The following RNGTT variants were observed in gnomAD, a reference collection of about 807,000 sequenced individuals.
The protein encoded by RNGTT is mRNA-capping enzyme.
RNGTT carries 33 observed loss-of-function variants against 79.3 expected under a neutral mutation model. That is an observed-to-expected ratio of 0.42 (90% CI 0.32 to 0.56). RNGTT has a LOEUF of 0.56. Among genes scored for constraint, RNGTT ranks in the 20% least tolerant of loss-of-function variants. The pLI is 0.17. For missense variants in RNGTT, 497 were observed against 739.1 expected (o/e 0.67, Z 3.80); for synonymous variants, 222 against 235.9 (o/e 0.94, Z 0.54).
intron 14 of RNGTT, among the ~76,000 whole-genome samples, chr6:88,670,878 C>G (rs1033053769): frequency 1.3e-5 from 2 of 152,128 alleles, no homozygotes; most frequent in African/African-American, 4.8e-5. Flanking sequence ...TACCAATGCT[C>G]CCAGCTGATT....
chr6:88,657,024 C>T (rs1488936598), intron 14 of RNGTT, among the ~76,000 whole-genome samples: 1 of 152,112 alleles, frequency 6.6e-6, no homozygotes, highest in East Asian at 1.9e-4. Flanking sequence ...GGAGACAGGA[C>T]TTATGTGTAT....
chr6:88,728,526 A>G (rs1247679884), intron 13 of RNGTT, among the ~76,000 whole-genome samples: 1 of 152,210 alleles, frequency 6.6e-6, no homozygotes, highest in African/African-American at 2.4e-5. Context: ...AAAACCATAC[A>G]TTCATTTTAC....
At chr6:88,698,228 T>C in intron 13 of RNGTT, among the ~76,000 whole-genome samples, 1 of 119,282 alleles carries the variant, frequency 8.4e-6, no homozygotes, top group East Asian at 2.2e-4. Context: ...ATATCATATA[T>C]ATATGAAATA....
In RNGTT at chr6:88,614,341, T is replaced by A. The variant is rs778146418; in HGVS notation, c.1561A>T (p.Asn521Tyr). 6.2e-7 allele frequency: 1 copy of A among 1,613,806 alleles called. No individual in the cohort carries two copies. Among genetic ancestry groups the A allele is most frequent in the Admixed American group, 1.7e-5 (1 of 60,022 alleles). Reference protein sequence around the residue: ...DNKIIECKFENNSWVFMRQRT... With the variant: ...DNKIIECKFEYNSWVFMRQRT... ...TGTCTCATGAAGACCCAGCTGTTGT[T>A]CTCAAATTTGCATTCTATAATTTTG... is the stretch of plus-strand genomic sequence containing the variant. The change falls in exon 15 of 16, where the codon AAC (asparagine) becomes TAC (tyrosine). Residue 521 changes from asparagine to tyrosine, a missense_variant. By Grantham distance (143) the Asn-to-Tyr change is moderately radical. This residue lies in a region of RNGTT where 440 missense variants were observed against 671.5 expected (regional missense o/e 0.66). Coordinates refer to ENST00000369485, the MANE Select transcript of RNGTT (RefSeq NM_003800.5).
intron 12 of RNGTT, among the ~76,000 whole-genome samples, chr6:88,785,799 CA>C (rs1248946799): frequency 6.6e-6 from 1 of 152,078 alleles, no homozygotes; most frequent in African/African-American, 2.4e-5. Context: ...CTATCCATAA[CA>C]TTCAATATAC....
chr6:88,860,340 T>C (rs1562289982), intron 8 of RNGTT, among the ~76,000 whole-genome samples: 2 of 152,188 alleles, frequency 1.3e-5, no homozygotes, highest in South Asian at 2.1e-4. Context: ...GAAGAAACGA[T>C]GGACACCATG....
chr6:88,707,630 T>C (rs376373391), intron 13 of RNGTT, among the ~76,000 whole-genome samples: 2 of 151,326 alleles, frequency 1.3e-5, no homozygotes, highest in Non-Finnish European at 2.9e-5. Context: ...TTTCCCTGCC[T>C]GAAACTCATG....
intron 14 of RNGTT, among the ~76,000 whole-genome samples, chr6:88,617,949 A>G (rs1049241965): frequency 1.3e-5 from 2 of 152,178 alleles, no homozygotes; most frequent in African/African-American, 4.8e-5. Context: ...AGCTGTCAAG[A>G]AAATTTTATC....
chr6:88,704,285 A>G (rs1295878153), intron 13 of RNGTT, among the ~76,000 whole-genome samples: 1 of 149,074 alleles, frequency 6.7e-6, no homozygotes, highest in African/African-American at 2.5e-5. Context: ...AAAAAAAAAA[A>G]AGACAGACTT....
intron 11 of RNGTT, among the ~76,000 whole-genome samples, chr6:88,843,893 T>A (rs527304842): frequency 2.0e-5 from 3 of 151,006 alleles, no homozygotes; most frequent in East Asian, 1.9e-4. Flanking sequence ...ACAACAAAAA[T>A]ACTAAAAGAA....
At chr6:88,782,355 G>A (rs1038974240) in intron 12 of RNGTT, among the ~76,000 whole-genome samples, 5 of 151,864 alleles carry the variant, frequency 3.3e-5, no homozygotes, top group South Asian at 2.1e-4. Context: ...CACATTGTAC[G>A]GGGTGAATGG....
intron 6 of RNGTT, among the ~76,000 whole-genome samples, chr6:88,903,415 A>G (rs1489293361): frequency 2.6e-5 from 4 of 152,160 alleles, no homozygotes; most frequent in Non-Finnish European, 5.9e-5. Context: ...ATTTTATGCT[A>G]TGCTGCTTAT....
intron 13 of RNGTT, among the ~76,000 whole-genome samples, chr6:88,688,480 T>C (rs1775357334): frequency 6.6e-6 from 1 of 152,168 alleles, no homozygotes; most frequent in South Asian, 2.1e-4. Context: ...TTTTTATTTC[T>C]AACTATCATT....
rs1440221798 is a variant in RNGTT, at chr6:88,809,143, G to C, written c.1270-7511C>G. On this transcript the variant is annotated intron_variant, in intron 11 of 15. Coordinates refer to ENST00000369485, the MANE Select transcript of RNGTT (RefSeq NM_003800.5). ...AACTTCTGAACAAGAAATTACTAGA[G>C]ATGAAAACAATACATACTGACAAAG... Among the ~76,000 whole-genome samples, 3 of 152,080 alleles carry C rather than the reference G, an allele frequency of 2.0e-5. No individual in the cohort carries two copies. In the East Asian group the frequency reaches 5.8e-4, roughly 29 times the overall value.
intron 13 of RNGTT, among the ~76,000 whole-genome samples, chr6:88,749,999 C>T (rs765943063): frequency 2.0e-5 from 3 of 152,126 alleles, no homozygotes; most frequent in Non-Finnish European, 4.4e-5. Context: ...ACATTCTCCC[C>T]TCATGTATAA....
chr6:88,688,286 A>G (rs1562195440), intron 13 of RNGTT, among the ~76,000 whole-genome samples: 1 of 152,196 alleles, frequency 6.6e-6, no homozygotes, highest in Non-Finnish European at 1.5e-5. Flanking sequence ...GACAGAATTA[A>G]CATTTTGATG....
chr6:88,813,666 CTG>C (rs1780215761), intron 11 of RNGTT, among the ~76,000 whole-genome samples: 1 of 152,230 alleles, frequency 6.6e-6, no homozygotes, highest in South Asian at 2.1e-4. Flanking sequence ...CAGCAAGAAA[CTG>C]AGAATCCAAA....
chr6:88,663,576 C>T (rs944576003), intron 14 of RNGTT, among the ~76,000 whole-genome samples: 7 of 152,140 alleles, frequency 4.6e-5, no homozygotes, highest in Non-Finnish European at 8.8e-5. Context: ...TGTCCGACCC[C>T]ACATCAGAGG....
intron 14 of RNGTT, among the ~76,000 whole-genome samples, chr6:88,641,399 T>C (rs1305207461): frequency 1.3e-5 from 2 of 151,354 alleles, no homozygotes; most frequent in Admixed American, 6.6e-5. Flanking sequence ...AGCATGATTA[T>C]ATACCATAAA....
Sources: allele counts gnomAD v4.1 joint callset (sites outside exome capture counted in the v4.1 genomes callset), GRCh38; gene constraint gnomAD v4.1.1; regional missense constraint gnomAD v4.1.1; transcripts MANE v1.5; gene names NCBI Gene and HGNC (gene_info 2026-07-23, HGNC 2026-07-21).